The following BRIP1 variants were observed in gnomAD, a reference collection of about 807,000 sequenced individuals.
The protein encoded by BRIP1 is BRCA1 interacting DNA helicase 1.
In BRIP1, 88 loss-of-function variants were observed where a neutral mutation model predicts 119.7. The observed-to-expected ratio is 0.74, with a 90% CI of 0.62 to 0.88. The LOEUF (loss-of-function observed/expected upper bound fraction) is 0.88, where lower values mean the gene tolerates loss of function less well. Among genes scored for constraint, BRIP1 ranks in the 40% least tolerant of loss-of-function variants. The pLI is 0.00. For synonymous variants in BRIP1, 443 were observed against 496.5 expected (o/e 0.89, Z 1.43); for missense variants, 1,259 against 1,455.4 (o/e 0.87, Z 2.20).
At position 61,685,976 on chromosome 17, in the gene BRIP1, A is replaced by C. The variant is rs587782410; in HGVS notation, c.2765T>G (p.Leu922Ter). The C allele has an allele frequency of 6.8e-6, 11 of 1,613,916 alleles. No homozygotes were observed. The highest frequency in any genetic ancestry group is 9.3e-6 in the Non-Finnish European group (11 of 1,179,944). The change falls in exon 19 of 20, where the codon TTA becomes TGA. Residue 922 changes from leucine (L) to a stop codon, truncating the protein, a stop_gained. Coordinates refer to ENST00000259008, the MANE Select transcript of BRIP1 (RefSeq NM_032043.3). LOFTEE classifies it high-confidence loss of function. ...TGATAGATGACTTGCTGCTTCCAGT[A>C]AATAAGGTGAGGTACTGTACTTTAA... Reference protein sequence around the residue: ...TSLKYSTSPYLLEAASHLSPE... With the variant: ...TSLKYSTSPY
In BRIP1 at chr17:61,696,985, C is replaced by CAA. The variant is rs775489853; in HGVS notation, c.2493-3475_2493-3474dup. Among the ~76,000 whole-genome samples, 542 of 72,324 alleles carry CAA rather than the reference C, an allele frequency of 7.5e-3. 10 individuals carry two copies. Among genetic ancestry groups the CAA allele is most frequent in the African/African-American group, 0.025 (492 of 19,888 alleles). 47.4% of individuals were successfully genotyped at this position (72,324 alleles called of 152,430 possible). A position where few individuals can be genotyped will look rare whatever the true frequency, so the allele number is the denominator to read the frequency against. On this transcript the variant is annotated intron_variant, in intron 17 of 19. Coordinates refer to ENST00000259008, the MANE Select transcript of BRIP1 (RefSeq NM_032043.3). ...TGGGCAACAGATAGAGACTCTGTCT[C>CAA]AAAAAAAAAAAAAAAAAAGGGGGGG...
intron 6 of BRIP1, among the ~76,000 whole-genome samples, chr17:61,821,757 C>T (rs924693915): frequency 2.0e-5 from 3 of 152,042 alleles, no homozygotes; most frequent in Non-Finnish European, 4.4e-5. Context: ...CTCTCTCTCT[C>T]GCCCATGCTG....
chr17:61,789,338 A>C lies in BRIP1; in HGVS notation c.1473+4259T>G, dbSNP rs187271903. On this transcript the variant is annotated intron_variant, in intron 10 of 19. Coordinates refer to ENST00000259008, the MANE Select transcript of BRIP1 (RefSeq NM_032043.3). This position sits in a 1 kb window ranked among gnomAD's most constrained non-coding sequence, Gnocchi z 4.8. ...AAGAAAAATAGGTAGCAGAGGTAGC[A>C]TTACAAATTAGAGGGAAATTAATAT... Among the ~76,000 whole-genome samples the C allele has an allele frequency of 2.0e-5, 3 of 152,200 alleles. No individual in the cohort carries two copies. The highest frequency in any genetic ancestry group is 1.5e-5 in the Non-Finnish European group (1 of 68,014).
Position 61,822,938 on chromosome 17 carries a change from GATC to G in BRIP1, c.628-14184_628-14182del, listed in dbSNP as rs774456953. ...CTGAGGAACTATGGTCAAAATAGCA[GATC>G]ATCAACACAGATCATGAAGTACCCC... On this transcript the variant is annotated intron_variant, in intron 6 of 19. Transcript: ENST00000259008. The surrounding 1 kb of genome is among the most constrained non-coding windows in gnomAD (Gnocchi z 4.4). Among the ~76,000 whole-genome samples the G allele has an allele frequency of 6.6e-6, 1 of 152,174 alleles. No individual in the cohort carries two copies. Among genetic ancestry groups the G allele is most frequent in the Non-Finnish European group, 1.5e-5 (1 of 68,020 alleles).
At position 61,770,779 on chromosome 17, in the gene BRIP1, A is replaced by G. The variant is rs1199354441; in HGVS notation, c.2097+5622T>C. 6.6e-6 allele frequency among the ~76,000 whole-genome samples: 1 copy of G among 152,186 alleles called. No homozygotes were observed. The highest frequency in any genetic ancestry group is 1.5e-5 in the Non-Finnish European group (1 of 68,020). ...ACACAGTAAAAGAAAAGCCAAGGGA[A>G]TTAAAGTGACACATTAGAAAAATTT... On this transcript the variant is annotated intron_variant, in intron 14 of 19. Transcript: ENST00000259008. This position sits in a 1 kb window ranked among gnomAD's most constrained non-coding sequence, Gnocchi z 4.7.
intron 16 of BRIP1, among the ~76,000 whole-genome samples, chr17:61,733,702 A>C (rs1255283849): frequency 1.3e-5 from 2 of 152,200 alleles, no homozygotes; most frequent in Non-Finnish European, 2.9e-5. Context: ...AAAGGAACTC[A>C]TAATGGTTAT....
Position 61,794,711 on chromosome 17 carries a change from G to GA in BRIP1, c.1341-983dup, listed in dbSNP as rs879931105. Among the ~76,000 whole-genome samples, 18 of 147,190 alleles carry GA rather than the reference G, an allele frequency of 1.2e-4. No homozygotes were observed. Among genetic ancestry groups the GA allele is most frequent in the South Asian group, 2.2e-4 (1 of 4,644 alleles). On this transcript the variant is annotated intron_variant, in intron 9 of 19. Transcript: ENST00000259008. The surrounding 1 kb of genome is among the most constrained non-coding windows in gnomAD (Gnocchi z 4.3). ...TTAAAAAAAAAAGTTCTAATAAAAT[G>GA]AAAAAAAAATCAGGTAATTATATAC...
rs1444912453 is a variant in BRIP1, at chr17:61,746,678, C to T, written c.2098-2087G>A. ...TATACACACAACCAACATCAGAGCACCCAAATATAGCAAGCAAATAGTGAT... is the reference window on the plus strand; with the variant it reads ...TATACACACAACCAACATCAGAGCATCCAAATATAGCAAGCAAATAGTGAT... On this transcript the variant is annotated intron_variant, in intron 14 of 19. Coordinates refer to ENST00000259008, the MANE Select transcript of BRIP1 (RefSeq NM_032043.3). The surrounding 1 kb of genome is among the most constrained non-coding windows in gnomAD (Gnocchi z 4.9). Among the ~76,000 whole-genome samples, 1 of 151,908 alleles carries T rather than the reference C, an allele frequency of 6.6e-6. No homozygotes were observed. The highest frequency in any genetic ancestry group is 1.5e-5 in the Non-Finnish European group (1 of 67,966).
chr17:61,814,581 G>T lies in BRIP1; in HGVS notation c.628-5824C>A, dbSNP rs2078209540. Reference sequence around the variant, plus strand: ...ATTCCATTTCCTATCCACCAGATTGGGTACTGGAGAGGATATGAAGAAACT... The same window carrying T: ...ATTCCATTTCCTATCCACCAGATTGTGTACTGGAGAGGATATGAAGAAACT... On this transcript the variant is annotated intron_variant, in intron 6 of 19. Transcript: ENST00000259008. The surrounding 1 kb of genome is among the most constrained non-coding windows in gnomAD (Gnocchi z 4.9). Among the ~76,000 whole-genome samples, 1 of 151,978 alleles carries T rather than the reference G, an allele frequency of 6.6e-6. No individual in the cohort carries two copies. The highest frequency in any genetic ancestry group is 1.5e-5 in the Non-Finnish European group (1 of 67,900).
In BRIP1 at chr17:61,680,143, G is replaced by A. The variant is rs898108160; in HGVS notation, c.*3153C>T. ...AGATCACTTGAGGTCAGGAGTTTGAGACCAGCCTGGCCAACATGGTGAAAC... is the reference window on the plus strand; with the variant it reads ...AGATCACTTGAGGTCAGGAGTTTGAAACCAGCCTGGCCAACATGGTGAAAC... On this transcript the variant is annotated 3_prime_UTR_variant, in exon 20 of 20. Coordinates refer to ENST00000259008, the MANE Select transcript of BRIP1 (RefSeq NM_032043.3). 1.4e-5 allele frequency among the ~76,000 whole-genome samples: 2 copies of A among 147,368 alleles called. No homozygotes were observed. Among genetic ancestry groups the A allele is most frequent in the Non-Finnish European group, 3.0e-5 (2 of 67,340 alleles).
chr17:61,787,541 TAAAA>T (rs976804150), intron 10 of BRIP1, among the ~76,000 whole-genome samples: 66 of 149,626 alleles, frequency 4.4e-4, no homozygotes, highest in African/African-American at 1.6e-3. Flanking sequence ...AGCTGTTAAT[TAAAA>T]AAGAATTTTT....
chr17:61,692,271 CA>C (rs1160316290), intron 18 of BRIP1, among the ~76,000 whole-genome samples: 1 of 152,056 alleles, frequency 6.6e-6, no homozygotes. Context: ...GATATGACAC[CA>C]AAAACACAGG....
In BRIP1 at chr17:61,730,206, G is replaced by A. The variant is rs2144560257; in HGVS notation, c.2379+12807C>T. On this transcript the variant is annotated intron_variant, in intron 16 of 19. Coordinates refer to ENST00000259008, the MANE Select transcript of BRIP1 (RefSeq NM_032043.3). This position sits in a 1 kb window ranked among gnomAD's most constrained non-coding sequence, Gnocchi z 4.3. Reference sequence around the variant, plus strand: ...CAGGAAAGAGTGATGTTGTAAACATGGAACAGCAATATCTACTACAGTTTA... The same window carrying A: ...CAGGAAAGAGTGATGTTGTAAACATAGAACAGCAATATCTACTACAGTTTA... Among the ~76,000 whole-genome samples, 1 of 152,136 alleles carries A rather than the reference G, an allele frequency of 6.6e-6. No homozygotes were observed. The highest frequency in any genetic ancestry group is 2.4e-5 in the African/African-American group (1 of 41,494).
rs575595017 is a variant in BRIP1 at position 61,859,808 on chromosome 17, G to A, written c.193C>T (p.Gln65Ter). The A allele has an allele frequency of 2.5e-6, 4 of 1,611,372 alleles. No individual in the cohort carries two copies. The highest frequency in any genetic ancestry group is 1.3e-5 in the African/African-American group (1 of 74,972). ...AGCAACTACTTACCACTAAGAGATTGTTGCCATGCTAAAGCAGAACAAAGT... is the reference window on the plus strand; with the variant it reads ...AGCAACTACTTACCACTAAGAGATTATTGCCATGCTAAAGCAGAACAAAGT... ...ALLCSALAWQ[Q>*]SLSGKPADEG... The change falls in exon 3 of 20, where the codon CAA becomes TAA. Residue 65 changes from glutamine (Q) to a stop codon, truncating the protein, a stop_gained. Coordinates refer to ENST00000259008, the MANE Select transcript of BRIP1 (RefSeq NM_032043.3). LOFTEE classifies it high-confidence loss of function.
chr17:61,709,824 T>C lies in BRIP1; in HGVS notation c.2492+6127A>G, dbSNP rs2061745034. Reference sequence around the variant, plus strand: ...CCATCTTGTATGTTTCCAAAGGCTGTTCTTGTATTTCATAGACTTATATTA... The same window carrying C: ...CCATCTTGTATGTTTCCAAAGGCTGCTCTTGTATTTCATAGACTTATATTA... On this transcript the variant is annotated intron_variant, in intron 17 of 19. Coordinates refer to ENST00000259008, the MANE Select transcript of BRIP1 (RefSeq NM_032043.3). This position sits in a 1 kb window ranked among gnomAD's most constrained non-coding sequence, Gnocchi z 5.0. 6.6e-6 allele frequency among the ~76,000 whole-genome samples: 1 copy of C among 152,174 alleles called. No individual in the cohort carries two copies. Among genetic ancestry groups the C allele is most frequent in the Non-Finnish European group, 1.5e-5 (1 of 68,028 alleles).
Position 61,756,239 on chromosome 17 carries a change from G to T in BRIP1, c.2098-11648C>A, listed in dbSNP as rs775190665. Among the ~76,000 whole-genome samples the T allele has an allele frequency of 7.2e-5, 11 of 152,114 alleles. No individual in the cohort carries two copies. The highest frequency in any genetic ancestry group is 4.6e-4 in the Admixed American group (7 of 15,276). ...GCTTAACTATTTCTGTCTTGCCAGA[G>T]AAATCACATAAATAAACACAAAAAT... On this transcript the variant is annotated intron_variant, in intron 14 of 19. Transcript: ENST00000259008. This position sits in a 1 kb window ranked among gnomAD's most constrained non-coding sequence, Gnocchi z 4.3.
chr17:61,776,326 T>A lies in BRIP1; in HGVS notation c.2097+75A>T. 4 of 1,565,886 alleles carry A rather than the reference T, an allele frequency of 2.6e-6. No homozygotes were observed. The highest frequency in any genetic ancestry group is 2.2e-5 in the East Asian group (1 of 44,512). On this transcript the variant is annotated intron_variant, in intron 14 of 19. Transcript: ENST00000259008. This position sits in a 1 kb window ranked among gnomAD's most constrained non-coding sequence, Gnocchi z 5.0. Reference sequence around the variant, plus strand: ...ACCCTAGGAAGCTTACTGTGGTAATTTTAAAATTAGCATGCCAATGTTTAA... The same window carrying A: ...ACCCTAGGAAGCTTACTGTGGTAATATTAAAATTAGCATGCCAATGTTTAA...
In BRIP1 at chr17:61,861,583, G is replaced by T; in HGVS notation, c.-30-14C>A. The stretch of plus-strand genomic sequence containing the variant: ...TCAGATTCCTAACTACAACAGAAAT[G>T]AAAATGTCAAATATTGAGACACGCC... On this transcript the variant is annotated splice_polypyrimidine_tract_variant and intron_variant, in intron 1 of 19. Coordinates refer to ENST00000259008, the MANE Select transcript of BRIP1 (RefSeq NM_032043.3). This position sits in a 1 kb window ranked among gnomAD's most constrained non-coding sequence, Gnocchi z 4.5. 1 of 1,429,360 alleles carries T rather than the reference G, an allele frequency of 7.0e-7. No homozygotes were observed. 88.5% of individuals were successfully genotyped at this position (1,429,360 alleles called of 1,614,324 possible).
In BRIP1 at chr17:61,813,927, T is replaced by C. The variant is rs574372349; in HGVS notation, c.628-5170A>G. On this transcript the variant is annotated intron_variant, in intron 6 of 19. Transcript: ENST00000259008. ...AACCAAGGAATTGTTTAAAGTTAGT[T>C]ATATTATTTTATGAATGCAATTACA... is the stretch of plus-strand genomic sequence containing the variant. Among the ~76,000 whole-genome samples the C allele has an allele frequency of 1.5e-3, 230 of 152,194 alleles. 1 individual carries two copies. Among genetic ancestry groups the C allele is most frequent in the African/African-American group, 5.4e-3 (226 of 41,576 alleles).
Sources: gnomAD v4.1 joint callset for allele counts (sites outside exome capture counted in the v4.1 genomes callset) on GRCh38, gnomAD v4.1.1 for gene constraint, Gnocchi (gnomAD v3.1) non-coding constraint, MANE v1.5 for transcripts, NCBI Gene and HGNC (gene_info 2026-07-23, HGNC 2026-07-21) for gene names.